UBE3D: variants seen among roughly 807,000 people sequenced by gnomAD.
The protein encoded by UBE3D is E3 ubiquitin-protein ligase E3D.
In UBE3D, 48 loss-of-function variants were observed where a neutral mutation model predicts 49.6. That is an observed-to-expected ratio of 0.97 (90% CI 0.77 to 1.23). The LOEUF is 1.23. UBE3D is among the 50% of genes most tolerant of loss of function. The pLI, the probability that UBE3D is intolerant of heterozygous loss-of-function variation, is 0.00. For missense variants in UBE3D, 452 were observed against 468.4 expected, an observed-to-expected ratio of 0.96 and a Z score of 0.32; for synonymous variants, 189 against 174.2, an observed-to-expected ratio of 1.08 and a Z score of -0.67.
intron 5 of UBE3D, among the ~76,000 whole-genome samples, chr6:83,033,059 C>T (rs533659637): frequency 6.6e-6 from 1 of 152,268 alleles, no homozygotes; most frequent in East Asian, 1.9e-4. Flanking sequence ...ACAAGCAAGC[C>T]TCCAGCATTT....
chr6:82,915,387 T>A (rs1772843956), intron 9 of UBE3D, among the ~76,000 whole-genome samples: 2 of 152,176 alleles, frequency 1.3e-5, no homozygotes, highest in Non-Finnish European at 2.9e-5. Context: ...AACATCAGGA[T>A]CACAGACGGG....
At chr6:82,904,729 C>T (rs1045616598) in intron 9 of UBE3D, among the ~76,000 whole-genome samples, 79 of 152,076 alleles carry the variant, frequency 5.2e-4, no homozygotes, top group African/African-American at 1.8e-3. Flanking sequence ...AAAGGAGAAG[C>T]ATAAATGACT....
intron 9 of UBE3D, among the ~76,000 whole-genome samples, chr6:82,898,687 G>C (rs529695575): frequency 6.6e-6 from 1 of 152,002 alleles, no homozygotes; most frequent in African/African-American, 2.4e-5. Context: ...GGGGGTAGGG[G>C]GCTAGGGGAG....
Position 82,901,635 on chromosome 6 carries a change from G to C in UBE3D, c.1150-8593C>G, listed in dbSNP as rs73749461. 4.4e-3 allele frequency among the ~76,000 whole-genome samples: 677 copies of C among 152,224 alleles called. 6 individuals are homozygous for C. Among genetic ancestry groups the C allele is most frequent in the African/African-American group, 0.015 (622 of 41,532 alleles). On this transcript the variant is annotated intron_variant, in intron 9 of 9. Transcript: ENST00000369747. ...AAAGTGACATAGCTAATTAGGCGAGGACTCAAACACAGGTCTTCTAACTCC... is the reference window on the plus strand; with the variant it reads ...AAAGTGACATAGCTAATTAGGCGAGCACTCAAACACAGGTCTTCTAACTCC...
In UBE3D at chr6:83,057,869, A is replaced by C. The variant is rs777566338; in HGVS notation, c.231T>G (p.Asp77Glu). ...SCRGLQFVVG[D>E]GLHLRLQTQA... ...GCGTCTGCAGTCGCAGGTGCAGTCC[A>C]TCTCCAACAACAAACTGTAGCCCAC... The change falls in exon 2 of 10, where the codon GAT (aspartate) becomes GAG (glutamate). Residue 77 changes from aspartate to glutamate, a missense_variant. Asp to Glu is a conservative substitution (Grantham distance 45, BLOSUM62 2). Transcript: ENST00000369747. 4 of 1,614,190 alleles carry C rather than the reference A, an allele frequency of 2.5e-6. 1 individual carries two copies. In the South Asian group the frequency reaches 4.4e-5, roughly 18 times the overall value.
chr6:83,040,244 C>A (rs957658872), intron 4 of UBE3D, among the ~76,000 whole-genome samples: 1 of 151,826 alleles, frequency 6.6e-6, no homozygotes, highest in East Asian at 2.0e-4. Context: ...ATTAGCTGGG[C>A]GTCGTGGTGC....
At chr6:83,044,735 G>A in intron 3 of UBE3D, 76 bp from the exon 4 acceptor site, 1 of 1,242,892 alleles carries the variant, frequency 8.0e-7, no homozygotes, top group Non-Finnish European at 1.1e-6. Context: ...GACCATAAAA[G>A]ATGAAAGAAA....
rs575603501 is a variant in UBE3D at position 83,056,497 on chromosome 6, TA to T, written c.274+1328del. Among the ~76,000 whole-genome samples, 94 of 152,320 alleles carry T rather than the reference TA, an allele frequency of 6.2e-4. 4 individuals are homozygous for T. In the South Asian group the frequency reaches 0.019, roughly 31 times the overall value. On this transcript the variant is annotated intron_variant, in intron 2 of 9. Coordinates refer to ENST00000369747, the MANE Select transcript of UBE3D (RefSeq NM_198920.3). ...AGTCTACTTCCCAGCTCGGTGACCC[TA>T]ACCTTCTTGCTATGGTTATTCCAAC...
Position 82,915,646 on chromosome 6 carries a change from A to G in UBE3D, c.1150-22604T>C, listed in dbSNP as rs58909895. ...GGTGCAACCATTTCTTCTTGTCAAC[A>G]TGCTCTCTTTGAATTATAATTTTTA... On this transcript the variant is annotated intron_variant, in intron 9 of 9. Transcript: ENST00000369747. 8.2e-3 allele frequency among the ~76,000 whole-genome samples: 1,253 copies of G among 152,298 alleles called. 21 individuals are homozygous for G. The highest frequency in any genetic ancestry group is 0.029 in the African/African-American group (1,185 of 41,568).
intron 9 of UBE3D, among the ~76,000 whole-genome samples, chr6:82,897,457 G>C (rs1417964101): frequency 6.6e-6 from 1 of 152,074 alleles, no homozygotes; most frequent in Non-Finnish European, 1.5e-5. Flanking sequence ...TGGGTACAGT[G>C]GTGGGTGCCT....
chr6:83,052,877 C>A (rs1783563542), intron 3 of UBE3D, among the ~76,000 whole-genome samples: 4 of 152,112 alleles, frequency 2.6e-5, no homozygotes, highest in Admixed American at 2.6e-4. Context: ...CAGGGAGGCT[C>A]AATGGATGAG....
intron 8 of UBE3D, among the ~76,000 whole-genome samples, chr6:83,008,752 G>C (rs1375033223): frequency 6.6e-6 from 1 of 152,146 alleles, no homozygotes; most frequent in Non-Finnish European, 1.5e-5. Context: ...AATATGCCAG[G>C]AAGTCTACAG....
At chr6:82,901,021 C>T (rs1457955306) in intron 9 of UBE3D, among the ~76,000 whole-genome samples, 3 of 152,038 alleles carry the variant, frequency 2.0e-5, no homozygotes, top group Admixed American at 1.3e-4. Context: ...GACAAACTTA[C>T]AAAACACAGA....
intron 9 of UBE3D, among the ~76,000 whole-genome samples, chr6:82,908,345 T>C (rs1772253141): frequency 6.6e-6 from 1 of 152,136 alleles, no homozygotes; most frequent in Non-Finnish European, 1.5e-5. Flanking sequence ...ACTAGGGGAA[T>C]GCTACTGGCA....
At chr6:83,022,819 C>G (rs558171448) in intron 6 of UBE3D, among the ~76,000 whole-genome samples, 3 of 151,428 alleles carry the variant, frequency 2.0e-5, no homozygotes, top group African/African-American at 4.8e-5. Flanking sequence ...AACTATTCAC[C>G]CCTACTGAAT....
chr6:82,910,899 C>T (rs1430199577), intron 9 of UBE3D, among the ~76,000 whole-genome samples: 1 of 152,038 alleles, frequency 6.6e-6, no homozygotes, highest in African/African-American at 2.4e-5. Context: ...TGTGGCTCAC[C>T]AATTTTTCAA....
chr6:82,996,675 T>C (rs1368994117), intron 8 of UBE3D, among the ~76,000 whole-genome samples: 1 of 152,164 alleles, frequency 6.6e-6, no homozygotes, highest in African/African-American at 2.4e-5. Context: ...GTGGATACCC[T>C]AATATGATGT....
At chr6:82,889,781 A>G (rs1258937062), downstream of UBE3D, among the ~76,000 whole-genome samples, 1 of 151,994 alleles carries the variant, frequency 6.6e-6, no homozygotes, top group Non-Finnish European at 1.5e-5. Flanking sequence ...TTGTCTTATT[A>G]TCTCTATCTG....
At chr6:82,882,342 G>A in the UBE3D span, among the ~76,000 whole-genome samples, 1 of 152,136 alleles carries the variant, frequency 6.6e-6, no homozygotes, top group Non-Finnish European at 1.5e-5. Flanking sequence ...ATATAAAAAA[G>A]GAGAAAAGAA....
Sources: gnomAD v4.1 joint callset for allele counts (sites outside exome capture counted in the v4.1 genomes callset) on GRCh38, gnomAD v4.1.1 for gene constraint, MANE v1.5 for transcripts, NCBI Gene and HGNC (gene_info 2026-07-23, HGNC 2026-07-21) for gene names.